Variants in SDK1 observed in about 807,000 individuals in gnomAD.
SDK1 encodes protein sidekick-1.
A neutral mutation model predicts 245.5 loss-of-function variants in SDK1; 157 were observed. The observed-to-expected ratio is 0.64, with a 90% CI of 0.56 to 0.73. The LOEUF (loss-of-function observed/expected upper bound fraction) is 0.73. Among genes scored for constraint, SDK1 ranks in the 30% least tolerant of loss-of-function variants. SDK1 has a pLI of 0.00. For missense variants in SDK1, 3,583 were observed against 3,002.3 expected, an observed-to-expected ratio of 1.19 and a Z score of -4.52; for synonymous variants, 1,647 against 1,278.5, an observed-to-expected ratio of 1.29 and a Z score of -6.15.
chr7:3,788,093 C>G (rs1302951023), intron 4 of SDK1, among the ~76,000 whole-genome samples: 1 of 152,196 alleles, frequency 6.6e-6, no homozygotes, highest in Non-Finnish European at 1.5e-5. Flanking sequence ...GCCCCACCTC[C>G]CGGCCCGGGA....
At chr7:3,386,025 T>C (rs2128568413) in intron 1 of SDK1, among the ~76,000 whole-genome samples, 1 of 152,294 alleles carries the variant, frequency 6.6e-6, no homozygotes, top group African/African-American at 2.4e-5. Flanking sequence ...TTATAGATTT[T>C]CACTCGTTAG....
At chr7:4,025,825 G>A (rs1037176335) in intron 17 of SDK1, among the ~76,000 whole-genome samples, 16 of 152,130 alleles carry the variant, frequency 1.1e-4, no homozygotes, top group African/African-American at 2.9e-4. Context: ...TCGAAGTCTC[G>A]GAAGAAAGCA....
At chr7:3,613,775 C>T (rs1253210886) in intron 1 of SDK1, among the ~76,000 whole-genome samples, 6 of 152,066 alleles carry the variant, frequency 3.9e-5, no homozygotes, top group Non-Finnish European at 8.8e-5. Context: ...TACATATACA[C>T]CATGGAATAC....
chr7:3,499,766 C>T (rs1266259758), intron 1 of SDK1, among the ~76,000 whole-genome samples: 1 of 152,196 alleles, frequency 6.6e-6, no homozygotes, highest in East Asian at 1.9e-4. Context: ...AAAGCCCCTT[C>T]TGTGGAAGTT....
At chr7:3,579,021 A>T (rs1403809707) in intron 1 of SDK1, among the ~76,000 whole-genome samples, 1 of 151,914 alleles carries the variant, frequency 6.6e-6, no homozygotes, top group Non-Finnish European at 1.5e-5. Flanking sequence ...TGAAATCTTC[A>T]CAATTTATGT....
chr7:3,566,790 A>G (rs537701984), intron 1 of SDK1, among the ~76,000 whole-genome samples: 24 of 152,262 alleles, frequency 1.6e-4, no homozygotes, highest in Admixed American at 7.2e-4. Flanking sequence ...ACTTCACAAA[A>G]CAGTGAACGC....
chr7:4,162,033 A>G (rs1309177667), intron 32 of SDK1, among the ~76,000 whole-genome samples, 177 bp downstream of exon 32: 1 of 151,936 alleles, frequency 6.6e-6, no homozygotes, highest in East Asian at 1.9e-4. Flanking sequence ...GTCAATTATC[A>G]TCTCGGTGTA....
chr7:3,731,862 G>A (rs978474337), intron 4 of SDK1, among the ~76,000 whole-genome samples: 1 of 152,102 alleles, frequency 6.6e-6, no homozygotes, highest in Non-Finnish European at 1.5e-5. Context: ...CGTGATGTTG[G>A]CTCACTGCAA....
At chr7:3,480,878 T>C (rs1176164027) in intron 1 of SDK1, among the ~76,000 whole-genome samples, 1 of 152,240 alleles carries the variant, frequency 6.6e-6, no homozygotes, top group African/African-American at 2.4e-5. Flanking sequence ...GACGCTGGCA[T>C]CGGACTTCCA....
chr7:4,035,982 C>G (rs1012173292), intron 17 of SDK1, among the ~76,000 whole-genome samples: 4 of 152,192 alleles, frequency 2.6e-5, no homozygotes, highest in African/African-American at 9.7e-5. Context: ...TTGTATGAAA[C>G]TTCCAAGTCA....
chr7:3,619,309 A>G, intron 2 of SDK1, 70 bp downstream of exon 2: 1 of 1,302,926 alleles, frequency 7.7e-7, no homozygotes, highest in South Asian at 1.4e-5. Flanking sequence ...CTTACTGGTC[A>G]TAATAGCACA....
chr7:3,521,616 A>C (rs1158002063), intron 1 of SDK1, among the ~76,000 whole-genome samples: 1 of 152,186 alleles, frequency 6.6e-6, no homozygotes, highest in African/African-American at 2.4e-5. Context: ...GGCCTTATAG[A>C]GGAGGAAGCA....
chr7:3,580,035 A>G (rs1485807865), intron 1 of SDK1, among the ~76,000 whole-genome samples: 1 of 152,196 alleles, frequency 6.6e-6, no homozygotes, highest in Non-Finnish European at 1.5e-5. Flanking sequence ...ATGCAATCCC[A>G]TTCTCAATAG....
chr7:3,623,970 T>C (rs762827464), intron 2 of SDK1, among the ~76,000 whole-genome samples: 1 of 152,214 alleles, frequency 6.6e-6, no homozygotes, highest in Non-Finnish European at 1.5e-5. Context: ...TATTTTTTTC[T>C]TTTGTTTTAT....
intron 38 of SDK1, among the ~76,000 whole-genome samples, chr7:4,218,520 G>C (rs1784962678): frequency 6.6e-6 from 1 of 152,252 alleles, no homozygotes; most frequent in Non-Finnish European, 1.5e-5. Flanking sequence ...AGATTTTTAG[G>C]ATAAGAGAAA....
rs73288345 is a variant in SDK1, at chr7:3,316,604, G to T, written c.298+14720G>T. ...GCTGTAGTGTAGTAGGCAACAATTG[G>T]GTAGTGCTTGGATCACAGAAATGTG... On this transcript the variant is annotated intron_variant, in intron 1 of 44. Coordinates refer to ENST00000404826, the MANE Select transcript of SDK1 (RefSeq NM_152744.4). Among the ~76,000 whole-genome samples, 901 of 152,250 alleles carry T rather than the reference G, an allele frequency of 5.9e-3. 9 individuals carry two copies. The highest frequency in any genetic ancestry group is 0.021 in the African/African-American group (872 of 41,532).
chr7:3,802,584 C>G (rs1436225421), intron 4 of SDK1, among the ~76,000 whole-genome samples: 1 of 151,950 alleles, frequency 6.6e-6, no homozygotes, highest in African/African-American at 2.4e-5. Flanking sequence ...AGACATCCAT[C>G]CCCCTTGTGC....
intron 4 of SDK1, among the ~76,000 whole-genome samples, chr7:3,726,015 A>G (rs1292347498): frequency 6.6e-6 from 1 of 152,218 alleles, no homozygotes; most frequent in Non-Finnish European, 1.5e-5. Context: ...TTTAGGGGAA[A>G]ATAAATTGCT....
At chr7:4,153,393 C>T (rs150551361) in intron 30 of SDK1, among the ~76,000 whole-genome samples, 5 of 152,202 alleles carry the variant, frequency 3.3e-5, no homozygotes, top group South Asian at 2.1e-4. Flanking sequence ...CGAGCCCATC[C>T]TGGCCGATAT....
Sources: allele counts gnomAD v4.1 joint callset (sites outside exome capture counted in the v4.1 genomes callset), GRCh38; gene constraint gnomAD v4.1.1; transcripts MANE v1.5; gene names NCBI Gene and HGNC (gene_info 2026-07-23, HGNC 2026-07-21).